ZSWIM8: variants seen among roughly 807,000 people sequenced by gnomAD.
ZSWIM8 encodes the protein zinc finger SWIM domain-containing protein 8.
In ZSWIM8, 27 loss-of-function variants were observed where a neutral mutation model predicts 173.7. The observed-to-expected ratio is 0.16, with a 90% CI of 0.11 to 0.21. ZSWIM8 has a LOEUF of 0.21. Among genes scored for constraint, ZSWIM8 ranks in the 10% least tolerant of loss-of-function variants. The pLI is 1.00. For synonymous variants in ZSWIM8, 958 were observed against 962.0 expected (o/e 1.00, Z 0.08); for missense variants, 1,627 against 2,428.8 (o/e 0.67, Z 6.94).
rs1443634766 is a variant in ZSWIM8, at chr10:73,785,818, G to A, written c.-61G>A. On this transcript the variant is annotated 5_prime_UTR_variant, in exon 1 of 26. Transcript: ENST00000604729. ...GGCCCCGGGCCTCCCCTCAACCCCC[G>A]GCCGGCGGCCCAGGCCCCGGATCCG... The A allele has an allele frequency of 4.8e-6, 7 of 1,459,406 alleles. No individual in the cohort carries two copies. In the African/African-American group the frequency reaches 5.9e-5, roughly 12 times the overall value. 90.4% of individuals were successfully genotyped at this position (1,459,406 alleles called of 1,614,324 possible).
At position 73,798,316 on chromosome 10, in the gene ZSWIM8, C is replaced by T; in HGVS notation, c.4039C>T (p.Leu1347=). Residue 1347 remains leucine (L), a synonymous_variant, in exon 20 of 26, where the codon CTG becomes TTG. Transcript: ENST00000604729. ...CCTGACACCCCCTGAGGTTGCATCC[C>T]TGGCTGACAGGGCATCACGGGCAAG... is the stretch of plus-strand genomic sequence containing the variant. ...GHLTPPEVAS[L]ADRASRARDS... is the part of the protein sequence containing the mutation. 6.2e-7 allele frequency: 1 copy of T among 1,614,054 alleles called. No individual in the cohort carries two copies. The highest frequency in any genetic ancestry group is 8.5e-7 in the Non-Finnish European group (1 of 1,179,898).
Position 73,789,931 on chromosome 10 carries a change from C to T in ZSWIM8, c.739-25C>T, listed in dbSNP as rs1443088636. On this transcript the variant is annotated intron_variant, in intron 5 of 25. Transcript: ENST00000604729. The surrounding 1 kb of genome is among the most constrained non-coding windows in gnomAD (Gnocchi z 6.8). ...TGGGTTCACCTAGGCCGTGTTCTGC[C>T]TGCCTCCGTCTCTTTCTCCCTCAGA... 2 of 1,608,502 alleles carry T rather than the reference C, an allele frequency of 1.2e-6. No individual in the cohort carries two copies. The highest frequency in any genetic ancestry group is 2.2e-5 in the South Asian group (2 of 89,954).
Position 73,793,708 on chromosome 10 carries a change from C to A in ZSWIM8, c.2434C>A (p.Pro812Thr). 6.2e-7 allele frequency: 1 copy of A among 1,609,606 alleles called. No homozygotes were observed. The highest frequency in any genetic ancestry group is 8.5e-7 in the Non-Finnish European group (1 of 1,177,776). ...CCCACCCGACCTCAAGGTAGAGCCG[C>A]CCCCTGCCAAGGTGAGAGACCCCCT... ...ANPPDLKVEP[P>T]PAKGKKNKVS... The change falls in exon 11 of 26, where the codon CCC (proline) becomes ACC (threonine). Residue 812 changes from proline (P) to threonine (T), a missense_variant. This residue lies in a region of ZSWIM8 where 169 missense variants were observed against 235.3 expected (regional missense o/e 0.72). Transcript: ENST00000604729.
chr10:73,791,770 C>G lies in ZSWIM8; in HGVS notation c.1320-89C>G. 2.8e-6 allele frequency: 4 copies of G among 1,428,784 alleles called. No individual in the cohort carries two copies. In the South Asian group the frequency reaches 6.0e-5, roughly 21 times the overall value. The allele number at this position is 1,428,784 out of a possible 1,614,324, so 88.5% of individuals were successfully genotyped here. A position where few individuals can be genotyped will look rare whatever the true frequency, so the allele number is the denominator to read the frequency against. On this transcript the variant is annotated intron_variant, in intron 9 of 25. Transcript: ENST00000604729. The surrounding 1 kb of genome is among the most constrained non-coding windows in gnomAD (Gnocchi z 6.0). ...CAAGAAGTACTTTCCTGTATCCTTTCCCCATGCCTCTCTTTGGGGTGTACA... is the reference window on the plus strand; with the variant it reads ...CAAGAAGTACTTTCCTGTATCCTTTGCCCATGCCTCTCTTTGGGGTGTACA...
intron 14 of ZSWIM8, chr10:73,794,926 TAAAAAA>T (rs34754583): frequency 7.6e-5 from 7 of 91,698 alleles, no homozygotes; most frequent in South Asian, 6.7e-4. Context: ...CATCTCTACT[TAAAAAA>T]AAAAAAAAAA....
intron 6 of ZSWIM8, 60 bp downstream of exon 6, chr10:73,790,097 A>G: frequency 2.5e-6 from 4 of 1,610,940 alleles, no homozygotes; most frequent in Non-Finnish European, 3.4e-6. Flanking sequence ...ACAGAGCGCC[A>G]TTTACTCAAG....
At position 73,797,704 on chromosome 10, in the gene ZSWIM8, C is replaced by G; in HGVS notation, c.3663-77C>G. Reference sequence around the variant, plus strand: ...ATTGTCTCCCAGCATCCTCACTTTCCCTGGTCCTTCCCAACCTACCCGGAT... The same window carrying G: ...ATTGTCTCCCAGCATCCTCACTTTCGCTGGTCCTTCCCAACCTACCCGGAT... On this transcript the variant is annotated intron_variant, in intron 18 of 25. Transcript: ENST00000604729. This position sits in a 1 kb window ranked among gnomAD's most constrained non-coding sequence, Gnocchi z 5.6. The G allele has an allele frequency of 6.4e-7, 1 of 1,564,750 alleles. No individual in the cohort carries two copies. The highest frequency in any genetic ancestry group is 8.7e-7 in the Non-Finnish European group (1 of 1,151,368).
In ZSWIM8 at chr10:73,790,258, C is replaced by T; in HGVS notation, c.907C>T (p.His303Tyr). The change falls in exon 7 of 26, where the codon CAC (histidine) becomes TAC (tyrosine). Residue 303 changes from histidine to tyrosine, a missense_variant. By Grantham distance (83) the His-to-Tyr change is moderately conservative. Around this residue, in one of 18 missense-constraint regions of ZSWIM8, gnomAD observed 19 missense variants for 21.1 expected, o/e 0.90. Transcript: ENST00000604729. ...TLTDNIKKTL[H>Y]KFCGPSPVVF... ...CACTGACAACATCAAAAAGACACTG[C>T]ACAAGTTCTGTGGCCCCTCCCCTGT... 1 of 1,613,374 alleles carries T rather than the reference C, an allele frequency of 6.2e-7. No individual in the cohort carries two copies. Among genetic ancestry groups the T allele is most frequent in the Non-Finnish European group, 8.5e-7 (1 of 1,179,526 alleles).
chr10:73,793,263 G>A (rs1180227814), intron 10 of ZSWIM8, among the ~76,000 whole-genome samples: 2 of 152,206 alleles, frequency 1.3e-5, no homozygotes, highest in East Asian at 3.9e-4. Context: ...TGACCTTTCT[G>A]CCTGGAATGC....
chr10:73,801,168 G>A lies in ZSWIM8; in HGVS notation c.5274G>A (p.Val1758=). ...GTGCCCCGGCCTTCCACCAACTGGT[G>A]CAGCGCTGCCAGCAGGCATACATGC... ...HLRAPAFHQL[V]QRCQQAYMQY... is the part of the protein sequence containing the mutation. Residue 1758 remains valine (V), a synonymous_variant, in exon 25 of 26, where the codon GTG becomes GTA. Coordinates refer to ENST00000604729, the MANE Select transcript of ZSWIM8 (RefSeq NM_001367799.1). This position sits in a 1 kb window ranked among gnomAD's most constrained non-coding sequence, Gnocchi z 4.9. 6.3e-7 allele frequency: 1 copy of A among 1,598,592 alleles called. No homozygotes were observed. The highest frequency in any genetic ancestry group is 2.3e-5 in the East Asian group (1 of 43,968).
At position 73,795,679 on chromosome 10, in the gene ZSWIM8, T is replaced by C. The variant is rs776443222; in HGVS notation, c.3033+16T>C. 6.2e-7 allele frequency: 1 copy of C among 1,607,856 alleles called. No homozygotes were observed. The highest frequency in any genetic ancestry group is 8.5e-7 in the Non-Finnish European group (1 of 1,178,876). ...GCTTAAGAAGGTAAGAGACTGGGGC[T>C]GGGTGCGGTGGCTCATGCCTGTAAT... On this transcript the variant is annotated intron_variant, in intron 15 of 25. Coordinates refer to ENST00000604729, the MANE Select transcript of ZSWIM8 (RefSeq NM_001367799.1).
chr10:73,791,738 G>T lies in ZSWIM8; in HGVS notation c.1320-121G>T. ...CCAGTGTTTCAGTGATGCTTATGGG[G>T]CTGGGTCAAGAAGTACTTTCCTGTA... On this transcript the variant is annotated intron_variant, in intron 9 of 25. Transcript: ENST00000604729. This position sits in a 1 kb window ranked among gnomAD's most constrained non-coding sequence, Gnocchi z 6.0. 1 of 1,353,564 alleles carries T rather than the reference G, an allele frequency of 7.4e-7. No homozygotes were observed. Among genetic ancestry groups the T allele is most frequent in the South Asian group, 1.6e-5 (1 of 63,396 alleles). 83.8% of individuals were successfully genotyped at this position (1,353,564 alleles called of 1,614,324 possible). A position where few individuals can be genotyped will look rare whatever the true frequency, so the allele number is the denominator to read the frequency against.
intron 14 of ZSWIM8, 91 bp downstream of exon 14, chr10:73,794,730 G>A: frequency 1.7e-6 from 2 of 1,179,604 alleles, no homozygotes; most frequent in Non-Finnish European, 2.4e-6. Context: ...GTATGGTAAT[G>A]GGAAGGTCAG....
At position 73,797,553 on chromosome 10, in the gene ZSWIM8, C is replaced by T. The variant is rs200608670; in HGVS notation, c.3610C>T (p.Arg1204Cys). 69 of 1,613,906 alleles carry T rather than the reference C, an allele frequency of 4.3e-5. No individual in the cohort carries two copies. In the Admixed American group the frequency reaches 8.0e-4, roughly 19 times the overall value. Residue 1204 changes from arginine (R) to cysteine (C), a missense_variant, in exon 18 of 26, where the codon CGC (arginine) becomes TGC (cysteine). Arg to Cys is a radical substitution (Grantham distance 180, BLOSUM62 -3). Coordinates refer to ENST00000604729, the MANE Select transcript of ZSWIM8 (RefSeq NM_001367799.1). This position sits in a 1 kb window ranked among gnomAD's most constrained non-coding sequence, Gnocchi z 5.6. ...SLGSSSSSGS[R>C]RASASGGARA... ...GGGCTCCTCATCCTCCAGTGGAAGT[C>T]GCCGGGCCAGTGCCAGTGGAGGAGC...
In ZSWIM8 at chr10:73,797,556, C is replaced by T. The variant is rs369335326; in HGVS notation, c.3613C>T (p.Arg1205Trp). The T allele has an allele frequency of 5.9e-5, 96 of 1,613,800 alleles. No homozygotes were observed. Among genetic ancestry groups the T allele is most frequent in the Non-Finnish European group, 7.2e-5 (85 of 1,179,872 alleles). The change falls in exon 18 of 26, where the codon CGG (arginine) becomes TGG (tryptophan). Residue 1205 changes from arginine (R) to tryptophan (W), a missense_variant. Transcript: ENST00000604729. This position sits in a 1 kb window ranked among gnomAD's most constrained non-coding sequence, Gnocchi z 5.6. ...LGSSSSSGSRRASASGGARAK... is the reference protein window; with the variant it reads ...LGSSSSSGSRWASASGGARAK... ...CTCCTCATCCTCCAGTGGAAGTCGC[C>T]GGGCCAGTGCCAGTGGAGGAGCCCG... is the stretch of plus-strand genomic sequence containing the variant.
Position 73,801,723 on chromosome 10 carries a change from G to C in ZSWIM8, c.*204G>C. On this transcript the variant is annotated 3_prime_UTR_variant, in exon 26 of 26. Transcript: ENST00000604729. The surrounding 1 kb of genome is among the most constrained non-coding windows in gnomAD (Gnocchi z 4.9). ...AGGGCTGGGGGAGACAGCCCTGTCT[G>C]GGAGGGGGCGTTGGGTGGCCTCTGG... 1 of 1,530,958 alleles carries C rather than the reference G, an allele frequency of 6.5e-7. No homozygotes were observed. Among genetic ancestry groups the C allele is most frequent in the Middle Eastern group, 1.7e-4 (1 of 5,968 alleles). 94.8% of individuals were successfully genotyped at this position (1,530,958 alleles called of 1,614,324 possible).
chr10:73,801,739 T>G lies in ZSWIM8; in HGVS notation c.*220T>G. The G allele has an allele frequency of 6.6e-7, 1 of 1,525,590 alleles. No homozygotes were observed. The highest frequency in any genetic ancestry group is 8.8e-7 in the Non-Finnish European group (1 of 1,141,678). The allele number at this position is 1,525,590 out of a possible 1,614,324, so 94.5% of individuals were successfully genotyped here. ...GCCCTGTCTGGGAGGGGGCGTTGGGTGGCCTCTGGTATTTATTTGGCATTT... is the reference window on the plus strand; with the variant it reads ...GCCCTGTCTGGGAGGGGGCGTTGGGGGGCCTCTGGTATTTATTTGGCATTT... On this transcript the variant is annotated 3_prime_UTR_variant, in exon 26 of 26. Coordinates refer to ENST00000604729, the MANE Select transcript of ZSWIM8 (RefSeq NM_001367799.1). The surrounding 1 kb of genome is among the most constrained non-coding windows in gnomAD (Gnocchi z 4.9).
Position 73,792,753 on chromosome 10 carries a change from T to C in ZSWIM8, c.2214T>C (p.Asp738=). 6.2e-7 allele frequency: 1 copy of C among 1,612,222 alleles called. No individual in the cohort carries two copies. Among genetic ancestry groups the C allele is most frequent in the South Asian group, 1.1e-5 (1 of 90,984 alleles). The change falls in exon 10 of 26, where the codon GAT becomes GAC. Residue 738 remains aspartate (D), a synonymous_variant. Transcript: ENST00000604729. The surrounding 1 kb of genome is among the most constrained non-coding windows in gnomAD (Gnocchi z 4.3). Reference sequence around the variant, plus strand: ...AGGCGTACTATCTGAATGCCCAGGATGGGGCTGGGGGCGAGGAAGAGAAGG... The same window carrying C: ...AGGCGTACTATCTGAATGCCCAGGACGGGGCTGGGGGCGAGGAAGAGAAGG... ...DYQAYYLNAQ[D]GAGGEEEKAE...
In ZSWIM8 at chr10:73,793,592, T is replaced by G. The variant is rs1291219666; in HGVS notation, c.2318T>G (p.Leu773Arg). 1.3e-6 allele frequency: 2 copies of G among 1,589,912 alleles called. No homozygotes were observed. The highest frequency in any genetic ancestry group is 1.7e-6 in the Non-Finnish European group (2 of 1,167,886). ...GGTCCCATGTCCTCCTTCCAGGTAC[T>G]GTTTGCCTGTGCTGAGGCCCTGCAT... is the stretch of plus-strand genomic sequence containing the variant. Reference protein sequence around the residue: ...PLEQESRMEVLFACAEALHAH... With the variant: ...PLEQESRMEVRFACAEALHAH... The change falls in exon 11 of 26, where the codon CTG (leucine) becomes CGG (arginine). Residue 773 changes from leucine to arginine, a missense_variant. Physicochemically the swap from Leu to Arg is moderately radical, Grantham distance 102. Transcript: ENST00000604729.
Sources: gnomAD v4.1 joint callset for allele counts (sites outside exome capture counted in the v4.1 genomes callset) on GRCh38, gnomAD v4.1.1 for gene constraint, gnomAD v4.1.1 regional missense constraint, Gnocchi (gnomAD v3.1) non-coding constraint, MANE v1.5 for transcripts, NCBI Gene and HGNC (gene_info 2026-07-23, HGNC 2026-07-21) for gene names.